CALD1: variants seen among roughly 807,000 people sequenced by gnomAD.
CALD1 encodes caldesmon 1.
CALD1 carries 33 observed loss-of-function variants against 99.9 expected under a neutral mutation model. That is an observed-to-expected ratio of 0.33 (90% confidence interval 0.25 to 0.44). The LOEUF (loss-of-function observed/expected upper bound fraction) is 0.44. Among genes scored for constraint, CALD1 ranks in the 20% least tolerant of loss-of-function variants. CALD1 has a pLI of 1.00. For missense variants in CALD1, 861 were observed against 962.1 expected (o/e 0.89, Z 1.39); for synonymous variants, 310 against 325.0 (o/e 0.95, Z 0.50).
the CALD1 span, among the ~76,000 whole-genome samples, chr7:134,733,587 T>A: frequency 6.6e-6 from 1 of 151,970 alleles, no homozygotes; most frequent in South Asian, 2.1e-4. Context: ...GGCGGGCGGA[T>A]CATGAGGTCA....
chr7:134,732,840 A>G, the CALD1 span, among the ~76,000 whole-genome samples: 1 of 152,264 alleles, frequency 6.6e-6, no homozygotes, highest in African/African-American at 2.4e-5. Flanking sequence ...AGTGTACTTA[A>G]TCACTAACTA....
chr7:134,795,553 C>T (rs985286574), intron 1 of CALD1, among the ~76,000 whole-genome samples: 21 of 152,084 alleles, frequency 1.4e-4, no homozygotes, highest in East Asian at 3.9e-4. Flanking sequence ...ATTTTATGAA[C>T]GGAAATACAG....
intron 1 of CALD1, among the ~76,000 whole-genome samples, chr7:134,782,291 A>C (rs1451862666): frequency 6.6e-6 from 1 of 152,214 alleles, no homozygotes; most frequent in African/African-American, 2.4e-5. Context: ...TGCAAATAGC[A>C]TGGTAGGACT....
At chr7:134,880,722 G>A (rs552685397) in intron 3 of CALD1, among the ~76,000 whole-genome samples, 11 of 152,000 alleles carry the variant, frequency 7.2e-5, no homozygotes, top group Admixed American at 2.6e-4. Context: ...GGGGCCTCGC[G>A]CAAAAGTTGT....
chr7:134,827,557 C>T (rs1333805852), intron 1 of CALD1, among the ~76,000 whole-genome samples: 4 of 152,178 alleles, frequency 2.6e-5, no homozygotes, highest in Non-Finnish European at 4.4e-5. Flanking sequence ...TGGCACAATC[C>T]AGAATTCAAA....
At chr7:134,875,244 C>T (rs1280034329) in intron 3 of CALD1, among the ~76,000 whole-genome samples, 3 of 152,096 alleles carry the variant, frequency 2.0e-5, no homozygotes, top group African/African-American at 4.8e-5. Flanking sequence ...CGCCATGTTG[C>T]GCAGTCCAGT....
At chr7:134,732,733 G>A in the CALD1 span, among the ~76,000 whole-genome samples, 1 of 152,212 alleles carries the variant, frequency 6.6e-6, no homozygotes, top group African/African-American at 2.4e-5. Context: ...AAGAGTTTTT[G>A]TTTCTCACTC....
upstream of CALD1, among the ~76,000 whole-genome samples, chr7:134,740,136 C>A (rs1481745397): frequency 6.6e-6 from 1 of 151,994 alleles, no homozygotes; most frequent in South Asian, 2.1e-4. Context: ...AACAATCATA[C>A]CCAAAATGAT....
intron 1 of CALD1, among the ~76,000 whole-genome samples, chr7:134,769,328 C>T (rs142472731): frequency 1.3e-5 from 2 of 152,116 alleles, no homozygotes; most frequent in Non-Finnish European, 2.9e-5. Context: ...TAGATATTGT[C>T]AAATCACTCA....
At chr7:134,900,960 G>A (rs74618724) in intron 3 of CALD1, among the ~76,000 whole-genome samples, 2,516 of 152,068 alleles carry the variant, frequency 0.017, 70 homozygotes, top group African/African-American at 0.058. Flanking sequence ...CTGCTTTCAG[G>A]AAAATCAGAG....
Position 134,941,109 on chromosome 7 carries a change from T to A in CALD1, c.1404T>A (p.Ile468=). The change falls in exon 7 of 15, where the codon ATT becomes ATA. Residue 468 remains isoleucine, a synonymous_variant. Transcript: ENST00000361675. ...TTGGTTAGATCAAAGATGAAAAGAT[T>A]AAAAAGGACAAAGAACCCAAAGAAG... ...FKKEEIKDEK[I]KKDKEPKEEV... 6.2e-7 allele frequency: 1 copy of A among 1,608,416 alleles called. No individual in the cohort carries two copies. Among genetic ancestry groups the A allele is most frequent in the Non-Finnish European group, 8.5e-7 (1 of 1,178,234 alleles).
At chr7:134,795,137 CTCTT>C (rs1460416819) in intron 1 of CALD1, among the ~76,000 whole-genome samples, 2 of 151,976 alleles carry the variant, frequency 1.3e-5, no homozygotes, top group Middle Eastern at 3.2e-3. Flanking sequence ...AATTTTCTTT[CTCTT>C]TTTTTTTCAA....
At position 134,945,899 on chromosome 7, in the gene CALD1, G is replaced by C. The variant is rs184833751; in HGVS notation, c.1533-1609G>C. Among the ~76,000 whole-genome samples, 6 of 152,306 alleles carry C rather than the reference G, an allele frequency of 3.9e-5. No homozygotes were observed. The East Asian group carries it at 1.2e-3, about 29-fold the overall frequency. On this transcript the variant is annotated intron_variant, in intron 7 of 14. Transcript: ENST00000361675. Reference sequence around the variant, plus strand: ...AGGCAATGGGTAATTTCGTCTGCCAGAGATCAGCTGCTAGAGTCAAGCTCA... The same window carrying C: ...AGGCAATGGGTAATTTCGTCTGCCACAGATCAGCTGCTAGAGTCAAGCTCA...
the CALD1 span, among the ~76,000 whole-genome samples, chr7:134,716,706 A>G: frequency 6.6e-6 from 1 of 152,240 alleles, no homozygotes; most frequent in African/African-American, 2.4e-5. Context: ...TGAGCTAGTT[A>G]TTAAAAAGAT....
At chr7:134,915,410 C>T (rs998216450) in intron 3 of CALD1, among the ~76,000 whole-genome samples, 3 of 152,226 alleles carry the variant, frequency 2.0e-5, no homozygotes, top group Non-Finnish European at 4.4e-5. Context: ...ATCTTCACCA[C>T]TGAAGCAGTT....
At chr7:134,899,635 TTTTGTTTTTG>T (rs1802840034) in intron 3 of CALD1, among the ~76,000 whole-genome samples, 1 of 34,612 alleles carries the variant, frequency 2.9e-5, no homozygotes, top group African/African-American at 1.1e-4. Flanking sequence ...GATCTTTCTT[TTTTGTTTTTG>T]TTTTTGTTTT....
At chr7:134,796,174 G>A (rs1203887259) in intron 1 of CALD1, among the ~76,000 whole-genome samples, 2 of 152,128 alleles carry the variant, frequency 1.3e-5, no homozygotes, top group Non-Finnish European at 2.9e-5. Flanking sequence ...CCAGATAGTG[G>A]TCTAATAGAA....
chr7:134,946,209 A>G (rs1415173402), intron 7 of CALD1, among the ~76,000 whole-genome samples: 1 of 152,276 alleles, frequency 6.6e-6, no homozygotes, highest in Middle Eastern at 3.4e-3. Context: ...TGATATCAGT[A>G]TGATATCATA....
At chr7:134,725,283 C>T in the CALD1 span, among the ~76,000 whole-genome samples, 2 of 152,204 alleles carry the variant, frequency 1.3e-5, no homozygotes, top group Non-Finnish European at 2.9e-5. Flanking sequence ...TATCTCTCCT[C>T]AGGCCTGTCA....
Sources: gnomAD v4.1 joint callset for allele counts (sites outside exome capture counted in the v4.1 genomes callset) on GRCh38, gnomAD v4.1.1 for gene constraint, MANE v1.5 for transcripts, NCBI Gene and HGNC (gene_info 2026-07-23, HGNC 2026-07-21) for gene names.